Variants in GNAQ observed in about 807,000 individuals in gnomAD.
The protein encoded by GNAQ is G protein subunit alpha q, also known as guanine nucleotide-binding protein G(q) subunit alpha.
Under a neutral mutation model 43.9 loss-of-function variants are expected in GNAQ, and 8 were observed. That is an observed-to-expected ratio of 0.18 (90% confidence interval 0.11 to 0.33). The LOEUF (loss-of-function observed/expected upper bound fraction) is 0.33, where lower values mean the gene tolerates loss of function less well. Among genes scored for constraint, GNAQ ranks in the 10% least tolerant of loss-of-function variants. GNAQ has a pLI of 1.00. For missense variants in GNAQ, 158 were observed against 450.8 expected (o/e 0.35, Z 5.88); for synonymous variants, 155 against 170.7 (o/e 0.91, Z 0.71).
chr9:77,801,109 C>T (rs969433893), intron 3 of GNAQ, among the ~76,000 whole-genome samples: 13 of 152,108 alleles, frequency 8.5e-5, no homozygotes, highest in Admixed American at 6.5e-5. Flanking sequence ...TTACTCATTG[C>T]CACTCCATAG....
intron 5 of GNAQ, among the ~76,000 whole-genome samples, chr9:77,731,992 G>A (rs750710222): frequency 8.6e-5 from 13 of 151,936 alleles, no homozygotes; most frequent in Admixed American, 5.2e-4. Flanking sequence ...GTTACAAACC[G>A]ACATGCTCTG....
At chr9:77,792,514 T>C (rs577137837) in intron 5 of GNAQ, among the ~76,000 whole-genome samples, 3 of 152,118 alleles carry the variant, frequency 2.0e-5, no homozygotes, top group Non-Finnish European at 4.4e-5. Context: ...TAGCTATGTC[T>C]GAGGAAAAAT....
intron 5 of GNAQ, among the ~76,000 whole-genome samples, chr9:77,761,488 G>C (rs1826020750): frequency 7.1e-6 from 1 of 140,332 alleles, no homozygotes; most frequent in Non-Finnish European, 1.6e-5. Context: ...GCCCAGTCCG[G>C]GAGGGAGGTG....
chr9:77,853,063 A>C (rs1430703472), intron 2 of GNAQ, among the ~76,000 whole-genome samples: 1 of 152,234 alleles, frequency 6.6e-6, no homozygotes, highest in African/African-American at 2.4e-5. Context: ...ATTTTAGAAA[A>C]GGAAAAGAGA....
At chr9:77,948,150 T>G (rs1822927908) in intron 1 of GNAQ, among the ~76,000 whole-genome samples, 1 of 152,224 alleles carries the variant, frequency 6.6e-6, no homozygotes, top group South Asian at 2.1e-4. Flanking sequence ...CATAAATGTT[T>G]TTGAATAAAA....
intron 5 of GNAQ, among the ~76,000 whole-genome samples, chr9:77,742,592 A>G (rs549638592): frequency 6.6e-6 from 1 of 152,318 alleles, no homozygotes; most frequent in East Asian, 1.9e-4. Context: ...GAAAAAAAAA[A>G]ACCAATGTTC....
chr9:77,732,151 T>C (rs1159475754), intron 5 of GNAQ, among the ~76,000 whole-genome samples: 1 of 152,078 alleles, frequency 6.6e-6, no homozygotes, highest in Non-Finnish European at 1.5e-5. Context: ...CCAGGAGACT[T>C]TGTGGCACCT....
At position 77,812,086 on chromosome 9, in the gene GNAQ, A is replaced by G. The variant is rs190486513; in HGVS notation, c.476+3530T>C. On this transcript the variant is annotated intron_variant, in intron 3 of 6. Coordinates refer to ENST00000286548, the MANE Select transcript of GNAQ (RefSeq NM_002072.5). ...TCAATGTGTCCTGGTTCAGATGATT[A>G]ATCAAATAGCTGAAGAGATAAAATC... Among the ~76,000 whole-genome samples, 6 of 152,356 alleles carry G rather than the reference A, an allele frequency of 3.9e-5. No individual in the cohort carries two copies. In the East Asian group the frequency reaches 1.2e-3, roughly 29 times the overall value.
At chr9:77,975,534 C>CG (rs1052180475) in intron 1 of GNAQ, among the ~76,000 whole-genome samples, 3 of 141,002 alleles carry the variant, frequency 2.1e-5, no homozygotes, top group Admixed American at 7.3e-5. Context: ...TATCAGCCCC[C>CG]CCTTTTTTTT....
chr9:77,871,910 G>A (rs1828045744), intron 2 of GNAQ, among the ~76,000 whole-genome samples: 1 of 152,086 alleles, frequency 6.6e-6, no homozygotes, highest in Non-Finnish European at 1.5e-5. Context: ...CACATGAAAG[G>A]GCATAAGGGT....
At chr9:77,850,492 T>C (rs2117921705) in intron 2 of GNAQ, among the ~76,000 whole-genome samples, 1 of 152,248 alleles carries the variant, frequency 6.6e-6, no homozygotes, top group Middle Eastern at 3.4e-3. Flanking sequence ...CTTTTTCCAG[T>C]CCGTTCTCCA....
intron 3 of GNAQ, among the ~76,000 whole-genome samples, chr9:77,799,690 A>C (rs1325437577): frequency 6.6e-6 from 1 of 152,246 alleles, no homozygotes; most frequent in Non-Finnish European, 1.5e-5. Flanking sequence ...GACTTTAACA[A>C]AGAAATAAAA....
chr9:77,942,273 C>T (rs988211798), intron 1 of GNAQ, among the ~76,000 whole-genome samples: 1 of 151,940 alleles, frequency 6.6e-6, no homozygotes, highest in African/African-American at 2.4e-5. Context: ...CTAAGACCAG[C>T]CTTGTGAAGA....
intron 2 of GNAQ, among the ~76,000 whole-genome samples, chr9:77,862,008 TAAAAAA>T (rs56145947): frequency 4.2e-5 from 5 of 118,118 alleles, no homozygotes; most frequent in Admixed American, 8.8e-5. Flanking sequence ...CTGTCTGGGG[TAAAAAA>T]AAAAAAAAAA....
intron 2 of GNAQ, among the ~76,000 whole-genome samples, chr9:77,874,214 G>A (rs550902298): frequency 6.6e-6 from 1 of 152,222 alleles, no homozygotes; most frequent in Non-Finnish European, 1.5e-5. Context: ...GGTAGTCTGT[G>A]ACAGGTACTT....
rs1489859205 is a variant in GNAQ, at chr9:77,718,772, C to T, written c.*2551G>A. 6 of 134,532 alleles carry T rather than the reference C, an allele frequency of 4.5e-5. No homozygotes were observed. Among genetic ancestry groups the T allele is most frequent in the Middle Eastern group, 3.3e-3 (1 of 302 alleles). The allele number at this position is 134,532 out of a possible 1,614,324, so 8.3% of individuals were successfully genotyped here. On this transcript the variant is annotated 3_prime_UTR_variant, in exon 7 of 7. Transcript: ENST00000286548. ...TTTTTTGCTGCACCAAATTTAAGAA[C>T]GCCCTTTCAGGCAAGCAGTGGTCTC...
chr9:77,769,383 G>A (rs956233334), intron 5 of GNAQ, among the ~76,000 whole-genome samples: 3 of 150,750 alleles, frequency 2.0e-5, no homozygotes, highest in Non-Finnish European at 4.4e-5. Flanking sequence ...CAGCCTGGGT[G>A]ACAGCACAAG....
At position 77,999,327 on chromosome 9, in the gene GNAQ, A is replaced by G. The variant is rs116889905; in HGVS notation, c.136+31773T>C. Reference sequence around the variant, plus strand: ...TGGCCAGCCTGGAGGGCTAAGAAGAATCTGAAATAGAAAGCAAATTTTTAT... The same window carrying G: ...TGGCCAGCCTGGAGGGCTAAGAAGAGTCTGAAATAGAAAGCAAATTTTTAT... On this transcript the variant is annotated intron_variant, in intron 1 of 6. Transcript: ENST00000286548. 3.5e-4 allele frequency among the ~76,000 whole-genome samples: 54 copies of G among 152,320 alleles called. No individual in the cohort carries two copies. The East Asian group carries it at 0.01, about 29-fold the overall frequency.
At chr9:77,949,937 G>A (rs999724399) in intron 1 of GNAQ, among the ~76,000 whole-genome samples, 3 of 152,108 alleles carry the variant, frequency 2.0e-5, no homozygotes, top group Admixed American at 6.5e-5. Flanking sequence ...AAAGATTCCC[G>A]ATCCATGCAG....
Sources: allele counts gnomAD v4.1 joint callset (sites outside exome capture counted in the v4.1 genomes callset), GRCh38; gene constraint gnomAD v4.1.1; transcripts MANE v1.5; gene names NCBI Gene and HGNC (gene_info 2026-07-23, HGNC 2026-07-21).